The following VAV2 variants were observed in gnomAD, a reference collection of about 807,000 sequenced individuals.
The protein encoded by VAV2 is guanine nucleotide exchange factor VAV2.
Under a neutral mutation model 132.5 loss-of-function variants are expected in VAV2, and 67 were observed. The ratio of observed to expected loss-of-function variants is 0.51; its 90% CI spans 0.42 to 0.62. The LOEUF is 0.62. Ranked by LOEUF, VAV2 falls within the 20% of genes least tolerant of loss-of-function variation. VAV2 has a pLI of 0.00. For synonymous variants in VAV2, 492 were observed against 443.5 expected (o/e 1.11, Z -1.37); for missense variants, 938 against 1,153.6 (o/e 0.81, Z 2.71).
intron 2 of VAV2, among the ~76,000 whole-genome samples, chr9:133,906,752 G>A (rs540758776): frequency 6.6e-6 from 1 of 152,336 alleles, no homozygotes; most frequent in Non-Finnish European, 1.5e-5. Context: ...ACAAAACCCA[G>A]TGGCGCCTGG....
intron 4 of VAV2, among the ~76,000 whole-genome samples, chr9:133,831,657 G>A (rs567775559): frequency 6.6e-6 from 1 of 152,298 alleles, no homozygotes; most frequent in African/African-American, 2.4e-5. Context: ...AGGCCGATGT[G>A]GGCCCCATCG....
intron 9 of VAV2, among the ~76,000 whole-genome samples, chr9:133,805,732 T>C (rs971421184): frequency 2.5e-4 from 38 of 152,286 alleles, no homozygotes; most frequent in Admixed American, 1.8e-3. Flanking sequence ...ATCCTAACTT[T>C]AAAGAACCGG....
intron 2 of VAV2, chr9:133,927,813 G>A (rs1840533150): frequency 6.6e-6 from 1 of 152,232 alleles, no homozygotes; most frequent in Non-Finnish European, 1.5e-5. Context: ...CACTGGCATG[G>A]AGATCAAGGG....
intron 2 of VAV2, among the ~76,000 whole-genome samples, chr9:133,933,182 C>A (rs1017042343): frequency 1.3e-5 from 2 of 152,246 alleles, no homozygotes; most frequent in Non-Finnish European, 2.9e-5. Context: ...AGAGGAAAGA[C>A]TCCAGTGTCC....
intron 21 of VAV2, among the ~76,000 whole-genome samples, chr9:133,779,211 C>T (rs922821551): frequency 2.0e-5 from 3 of 152,260 alleles, no homozygotes; most frequent in African/African-American, 7.2e-5. Flanking sequence ...GGGGATCCCT[C>T]GTGTCAGAGA....
intron 6 of VAV2, 67 bp from the exon 7 acceptor site, chr9:133,809,205 AC>A: frequency 7.3e-7 from 1 of 1,373,060 alleles, no homozygotes; most frequent in Non-Finnish European, 1.0e-6. Context: ...GCACATCTGC[AC>A]CGCGACACCC....
chr9:133,859,491 G>A (rs945666911), intron 3 of VAV2, among the ~76,000 whole-genome samples: 2 of 152,220 alleles, frequency 1.3e-5, no homozygotes, highest in Non-Finnish European at 2.9e-5. Context: ...TGGGGTCTGC[G>A]GCACCAGGCC....
At chr9:133,816,683 T>C (rs562604652) in intron 4 of VAV2, among the ~76,000 whole-genome samples, 5 of 152,306 alleles carry the variant, frequency 3.3e-5, no homozygotes, top group African/African-American at 1.2e-4. Flanking sequence ...CAATAAGTTA[T>C]GATCGTGCCA....
chr9:133,836,789 G>A (rs1588246038), intron 3 of VAV2, among the ~76,000 whole-genome samples: 1 of 152,224 alleles, frequency 6.6e-6, no homozygotes, highest in East Asian at 1.9e-4. Flanking sequence ...ATCAAGAGAT[G>A]CATTCACACT....
chr9:133,806,360 T>C (rs1327731456), intron 8 of VAV2, among the ~76,000 whole-genome samples, 179 bp from the exon 9 acceptor site: 1 of 152,142 alleles, frequency 6.6e-6, no homozygotes, highest in African/African-American at 2.4e-5. Flanking sequence ...GAAGGTTCTA[T>C]GGCGATGGTG....
chr9:133,787,371 A>AC (rs34280153), intron 15 of VAV2, 111 bp from the exon 16 acceptor site: 22 of 1,265,320 alleles, frequency 1.7e-5, no homozygotes, highest in South Asian at 2.2e-5. Context: ...CAGGTGGAAC[A>AC]CCCCCCAGTG....
intron 2 of VAV2, among the ~76,000 whole-genome samples, chr9:133,910,826 AAAAAAAAAAAAG>A (rs1689417218): frequency 6.9e-6 from 1 of 144,280 alleles, no homozygotes. Flanking sequence ...TCGGTCTCAA[AAAAAAAAAAAAG>A]AAAAAGAAAA....
rs1588228587 is a variant in VAV2 at position 133,824,799 on chromosome 9, T to A, written c.449+9473A>T. Among the ~76,000 whole-genome samples the A allele has an allele frequency of 6.6e-6, 1 of 152,198 alleles. No homozygotes were observed. Among genetic ancestry groups the A allele is most frequent in the Non-Finnish European group, 1.5e-5 (1 of 68,020 alleles). ...CAGAGCTGGGCTCAAATTGCAGCTCTGCCCCCTAGTTCTGTACGACTCTGA... is the reference window on the plus strand; with the variant it reads ...CAGAGCTGGGCTCAAATTGCAGCTCAGCCCCCTAGTTCTGTACGACTCTGA... On this transcript the variant is annotated intron_variant, in intron 4 of 29. Coordinates refer to ENST00000371850, the MANE Select transcript of VAV2 (RefSeq NM_001134398.2). The surrounding 1 kb of genome is among the most constrained non-coding windows in gnomAD (Gnocchi z 5.2).
chr9:133,771,822 A>G, intron 26 of VAV2, 137 bp downstream of exon 26: 1 of 844,846 alleles, frequency 1.2e-6, no homozygotes, highest in South Asian at 1.6e-5. Context: ...AGTGCCTTAA[A>G]AACCAATTCC....
chr9:133,836,957 G>A (rs754945214), intron 3 of VAV2, among the ~76,000 whole-genome samples: 6 of 152,172 alleles, frequency 3.9e-5, no homozygotes, highest in African/African-American at 4.8e-5. Flanking sequence ...TCAGTCCTGG[G>A]ACTCAGACAG....
intron 3 of VAV2, among the ~76,000 whole-genome samples, chr9:133,850,292 A>ACG (rs1837115380): frequency 1.3e-5 from 2 of 152,052 alleles, no homozygotes; most frequent in South Asian, 4.1e-4. Flanking sequence ...GGGACCCACC[A>ACG]CGCCCTACCC....
At chr9:133,849,380 G>A (rs1399875526) in intron 3 of VAV2, among the ~76,000 whole-genome samples, 1 of 152,206 alleles carries the variant, frequency 6.6e-6, no homozygotes, top group Non-Finnish European at 1.5e-5. Context: ...GCTACGTTAA[G>A]AAGCACTGGT....
intron 10 of VAV2, among the ~76,000 whole-genome samples, chr9:133,797,320 G>A (rs1834758877): frequency 6.6e-6 from 1 of 152,044 alleles, no homozygotes; most frequent in Non-Finnish European, 1.5e-5. Context: ...GCCCCCAGTT[G>A]ATAGAGACTC....
At chr9:133,792,517 GGT>G (rs1431810096) in intron 12 of VAV2, among the ~76,000 whole-genome samples, 1 of 148,398 alleles carries the variant, frequency 6.7e-6, no homozygotes. Flanking sequence ...CGTGTGATTG[GGT>G]GTGTGTTATT....
Sources: allele counts gnomAD v4.1 joint callset (sites outside exome capture counted in the v4.1 genomes callset), GRCh38; gene constraint gnomAD v4.1.1; non-coding constraint Gnocchi (gnomAD v3.1); transcripts MANE v1.5; gene names NCBI Gene and HGNC (gene_info 2026-07-23, HGNC 2026-07-21).